Variants in UBE2E1 observed in about 807,000 individuals in gnomAD.
The protein encoded by UBE2E1 is ubiquitin conjugating enzyme E2 E1, also known as ubiquitin-conjugating enzyme E2 E1.
UBE2E1 carries 6 observed loss-of-function variants against 21.4 expected under a neutral mutation model. The ratio of observed to expected loss-of-function variants is 0.28; its 90% CI spans 0.15 to 0.55. The LOEUF is 0.55. Among genes scored for constraint, UBE2E1 ranks in the 20% least tolerant of loss-of-function variants. The pLI is 0.93. For synonymous variants in UBE2E1, 87 were observed against 82.7 expected, an observed-to-expected ratio of 1.05 and a Z score of -0.28; for missense variants, 142 against 236.5, an observed-to-expected ratio of 0.60 and a Z score of 2.62.
intron 3 of UBE2E1, among the ~76,000 whole-genome samples, chr3:23,820,427 A>C (rs1485623459): frequency 6.6e-6 from 1 of 152,208 alleles, no homozygotes; most frequent in East Asian, 1.9e-4. Context: ...TACATAGATG[A>C]TCAACCTTTG....
At chr3:23,880,576 A>G (rs1208273003) in intron 3 of UBE2E1, among the ~76,000 whole-genome samples, 1 of 152,172 alleles carries the variant, frequency 6.6e-6, no homozygotes, top group Non-Finnish European at 1.5e-5. Flanking sequence ...AAAATATCCT[A>G]AATTTCACTT....
chr3:23,840,726 G>A (rs1700067822), intron 3 of UBE2E1, among the ~76,000 whole-genome samples: 1 of 152,134 alleles, frequency 6.6e-6, no homozygotes, highest in African/African-American at 2.4e-5. Flanking sequence ...TCATGCATGT[G>A]CTAATTCATG....
chr3:23,857,872 CAG>C (rs1290022455), intron 3 of UBE2E1, among the ~76,000 whole-genome samples: 2 of 152,188 alleles, frequency 1.3e-5, no homozygotes, highest in Non-Finnish European at 2.9e-5. Context: ...TGTTTTGAGA[CAG>C]AGTCTCGCTC....
chr3:23,814,289 A>G (rs192914139), intron 3 of UBE2E1, among the ~76,000 whole-genome samples: 3 of 152,332 alleles, frequency 2.0e-5, no homozygotes, highest in South Asian at 2.1e-4. Context: ...GTGAAATGCA[A>G]TTGCTCAATA....
rs1699698723 is a variant in UBE2E1, at chr3:23,823,932, CAT to C, written c.203+12423_203+12424del. 6.6e-6 allele frequency among the ~76,000 whole-genome samples: 1 copy of C among 152,206 alleles called. No individual in the cohort carries two copies. The highest frequency in any genetic ancestry group is 3.2e-3 in the Middle Eastern group (1 of 316). On this transcript the variant is annotated intron_variant, in intron 3 of 5. Coordinates refer to ENST00000306627, the MANE Select transcript of UBE2E1 (RefSeq NM_003341.5). The surrounding 1 kb of genome is among the most constrained non-coding windows in gnomAD (Gnocchi z 4.2). ...GGGAGACTGGTAGCCCCCGAAAAGA[CAT>C]TTATTTTTTGTAGCTTGGTATTCTG...
chr3:23,824,191 A>T (rs115316633), intron 3 of UBE2E1, among the ~76,000 whole-genome samples: 118 of 152,330 alleles, frequency 7.7e-4, no homozygotes, highest in Middle Eastern at 3.4e-3. Flanking sequence ...GCAAGTTAAA[A>T]CACATGATTT....
intron 3 of UBE2E1, among the ~76,000 whole-genome samples, chr3:23,815,423 A>G (rs550243575): frequency 6.2e-4 from 95 of 152,346 alleles, no homozygotes; most frequent in Middle Eastern, 3.4e-3. Context: ...AAATTCAAAT[A>G]CAGAAGTTTG....
At chr3:23,885,778 T>G (rs570165184) in intron 3 of UBE2E1, among the ~76,000 whole-genome samples, 6 of 152,282 alleles carry the variant, frequency 3.9e-5, no homozygotes, top group African/African-American at 1.4e-4. Context: ...GAGAATCGCT[T>G]GAACCCGGGA....
At chr3:23,879,309 G>C in intron 3 of UBE2E1, 2 of 850,970 alleles carry the variant, frequency 2.4e-6, no homozygotes, top group Non-Finnish European at 3.6e-6. Context: ...TTTAGAATTT[G>C]CCAAGATTAC....
intron 3 of UBE2E1, among the ~76,000 whole-genome samples, chr3:23,812,227 A>AG (rs11385666): frequency 0.33 from 50,668 of 151,762 alleles, 8,786 homozygotes; most frequent in African/African-American, 0.45. Context: ...CAATGAAGTG[A>AG]GGGTAACTTA....
In UBE2E1 at chr3:23,836,545, T is replaced by C. The variant is rs909850539; in HGVS notation, c.203+25035T>C. Among the ~76,000 whole-genome samples the C allele has an allele frequency of 6.6e-6, 1 of 152,204 alleles. No homozygotes were observed. Among genetic ancestry groups the C allele is most frequent in the Non-Finnish European group, 1.5e-5 (1 of 68,030 alleles). ...AAGGTATTTCAGTGAGGCAGCTCTT[T>C]TGTTCTTTTTCCAAAAGAGTGACAT... On this transcript the variant is annotated intron_variant, in intron 3 of 5. Coordinates refer to ENST00000306627, the MANE Select transcript of UBE2E1 (RefSeq NM_003341.5). This position sits in a 1 kb window ranked among gnomAD's most constrained non-coding sequence, Gnocchi z 4.1.
intron 3 of UBE2E1, among the ~76,000 whole-genome samples, chr3:23,849,879 G>C (rs1025670877): frequency 3.9e-5 from 6 of 152,224 alleles, no homozygotes; most frequent in African/African-American, 1.4e-4. Flanking sequence ...CCCAGTAATG[G>C]AATTGCTGGG....
Position 23,890,896 on chromosome 3 carries a change from A to G in UBE2E1, c.*290A>G. The G allele has an allele frequency of 4.3e-6, 1 of 235,118 alleles. No individual in the cohort carries two copies. The highest frequency in any genetic ancestry group is 8.2e-6 in the Non-Finnish European group (1 of 121,920). The allele number at this position is 235,118 out of a possible 1,614,324, so 14.6% of individuals were successfully genotyped here. On this transcript the variant is annotated 3_prime_UTR_variant, in exon 6 of 6. Coordinates refer to ENST00000306627, the MANE Select transcript of UBE2E1 (RefSeq NM_003341.5). ...TTGGGTTCAGTTGCTTGTAGTCTGT[A>G]AATTTAAAACAGCTTAATTTGGTAC...
At chr3:23,880,425 G>A (rs1470933321) in intron 3 of UBE2E1, among the ~76,000 whole-genome samples, 1 of 152,086 alleles carries the variant, frequency 6.6e-6, no homozygotes, top group African/African-American at 2.4e-5. Context: ...AAATTAGCTG[G>A]GCATGGTGGC....
chr3:23,816,071 G>T lies in UBE2E1; in HGVS notation c.203+4561G>T, dbSNP rs1033326572. Among the ~76,000 whole-genome samples, 2 of 152,322 alleles carry T rather than the reference G, an allele frequency of 1.3e-5. No individual in the cohort carries two copies. The highest frequency in any genetic ancestry group is 4.1e-4 in the South Asian group (2 of 4,824). On this transcript the variant is annotated intron_variant, in intron 3 of 5. Transcript: ENST00000306627. The surrounding 1 kb of genome is among the most constrained non-coding windows in gnomAD (Gnocchi z 4.8). ...TCTGGAGATGAATTGCCTTTCAAAT[G>T]AGCAGGAAGTCTTGTGGCGGTTGTG...
Position 23,810,417 on chromosome 3 carries a change from G to T in UBE2E1, c.153-1043G>T. 1 of 1,534,602 alleles carries T rather than the reference G, an allele frequency of 6.5e-7. No homozygotes were observed. The highest frequency in any genetic ancestry group is 8.7e-7 in the Non-Finnish European group (1 of 1,145,854). ...GCCCTTTGTGAAGTCGAGGGTTGGT[G>T]CGGAGGGAGAAAACTGCAGGTCTCC... is the stretch of plus-strand genomic sequence containing the variant. On this transcript the variant is annotated intron_variant, in intron 2 of 5. Transcript: ENST00000306627. This position sits in a 1 kb window ranked among gnomAD's most constrained non-coding sequence, Gnocchi z 5.8.
chr3:23,826,545 C>T (rs1699763690), intron 3 of UBE2E1, among the ~76,000 whole-genome samples: 1 of 152,186 alleles, frequency 6.6e-6, no homozygotes, highest in East Asian at 1.9e-4. Context: ...CAGGGAACCT[C>T]AGCAGTCTGG....
At chr3:23,880,158 G>A (rs983512930) in intron 3 of UBE2E1, among the ~76,000 whole-genome samples, 10 of 152,298 alleles carry the variant, frequency 6.6e-5, no homozygotes, top group Middle Eastern at 3.4e-3. Flanking sequence ...TGAGGCGGGC[G>A]GATCACCTGA....
chr3:23,807,590 T>C, intron 2 of UBE2E1, 169 bp downstream of exon 2: 1 of 778,112 alleles, frequency 1.3e-6, no homozygotes, highest in Non-Finnish European at 1.8e-6. Context: ...TTGCTGCTTC[T>C]GTTTTTAAAT....
Sources: allele counts gnomAD v4.1 joint callset (sites outside exome capture counted in the v4.1 genomes callset), GRCh38; gene constraint gnomAD v4.1.1; non-coding constraint Gnocchi (gnomAD v3.1); transcripts MANE v1.5; gene names NCBI Gene and HGNC (gene_info 2026-07-23, HGNC 2026-07-21).